Variants in SLC2A9 observed in about 807,000 individuals in gnomAD.
SLC2A9 encodes the protein solute carrier family 2 member 9.
A neutral mutation model predicts 50.6 loss-of-function variants in SLC2A9; 39 were observed. The observed-to-expected ratio is 0.77, with a 90% CI of 0.60 to 1.01. The LOEUF (loss-of-function observed/expected upper bound fraction) is 1.01, where lower values mean the gene tolerates loss of function less well. Ranked by LOEUF, SLC2A9 falls within the 50% of genes least tolerant of loss-of-function variation. The pLI is 0.00. For synonymous variants in SLC2A9, 324 were observed against 276.9 expected, an observed-to-expected ratio of 1.17 and a Z score of -1.69; for missense variants, 686 against 677.6, an observed-to-expected ratio of 1.01 and a Z score of -0.14.
intron 2 of SLC2A9, among the ~76,000 whole-genome samples, chr4:10,000,708 A>G (rs1759633388): frequency 6.6e-6 from 1 of 152,026 alleles, no homozygotes; most frequent in African/African-American, 2.4e-5. Flanking sequence ...GCTTCTAACA[A>G]ACTTCTCTTT....
At chr4:9,854,000 T>TAAAAA (rs200722853) in intron 10 of SLC2A9, among the ~76,000 whole-genome samples, 2 of 149,030 alleles carry the variant, frequency 1.3e-5, no homozygotes, top group African/African-American at 4.9e-5. Context: ...AAAACAGTGT[T>TAAAAA]AAAAAAAAAA....
intron 10 of SLC2A9, among the ~76,000 whole-genome samples, chr4:9,882,176 C>T (rs1053881307): frequency 2.6e-5 from 4 of 152,214 alleles, no homozygotes; most frequent in Admixed American, 6.5e-5. Context: ...TTTCTTTCCA[C>T]ATAGACACAA....
chr4:9,781,181 A>T (rs971004022), intron 3 of SLC2A9, among the ~76,000 whole-genome samples: 5 of 152,116 alleles, frequency 3.3e-5, no homozygotes, highest in African/African-American at 1.2e-4. Flanking sequence ...AGGAGTAGGA[A>T]TCATTATCCC....
downstream of SLC2A9, among the ~76,000 whole-genome samples, chr4:9,779,370 T>C (rs1718010471): frequency 6.6e-6 from 1 of 151,978 alleles, no homozygotes; most frequent in African/African-American, 2.4e-5. Flanking sequence ...TGTAATTGTG[T>C]ATTTCTTTGG....
intron 10 of SLC2A9, among the ~76,000 whole-genome samples, chr4:9,836,670 T>G (rs188518464): frequency 2.6e-5 from 4 of 152,292 alleles, no homozygotes; most frequent in African/African-American, 9.6e-5. Flanking sequence ...GGGTTTGCAG[T>G]TGAAGAAAAC....
intron 11 of SLC2A9, among the ~76,000 whole-genome samples, chr4:9,831,961 A>G (rs1416549114): frequency 1.3e-5 from 2 of 152,350 alleles, no homozygotes; most frequent in Middle Eastern, 3.4e-3. Flanking sequence ...GACAACAGCC[A>G]TTAACAAGCC....
chr4:9,860,776 G>A (rs1394488803), intron 10 of SLC2A9, among the ~76,000 whole-genome samples: 1 of 152,228 alleles, frequency 6.6e-6, no homozygotes, highest in South Asian at 2.1e-4. Flanking sequence ...CCCCTGATCA[G>A]ATATCACAAC....
At chr4:9,923,712 T>G (rs1460636827) in intron 6 of SLC2A9, 1 of 152,230 alleles carries the variant, frequency 6.6e-6, no homozygotes, top group Non-Finnish European at 1.5e-5. Context: ...TGAGAGCTGC[T>G]GATGAGAGAG....
At chr4:9,844,228 T>A (rs1231575653) in intron 10 of SLC2A9, among the ~76,000 whole-genome samples, 1 of 151,668 alleles carries the variant, frequency 6.6e-6, no homozygotes, top group Non-Finnish European at 1.5e-5. Flanking sequence ...TGATATGGAT[T>A]GAGGTATATG....
At chr4:9,930,898 T>C (rs1745778929) in intron 6 of SLC2A9, among the ~76,000 whole-genome samples, 1 of 152,122 alleles carries the variant, frequency 6.6e-6, no homozygotes, top group Admixed American at 6.5e-5. Flanking sequence ...ACCCAGGCAC[T>C]GGAGAGGAAG....
At chr4:9,939,567 G>A (rs1056392050) in intron 6 of SLC2A9, among the ~76,000 whole-genome samples, 3 of 150,538 alleles carry the variant, frequency 2.0e-5, no homozygotes, top group African/African-American at 7.3e-5. Context: ...CTAGCTTTAT[G>A]TCCTTGGCCA....
intron 2 of SLC2A9, among the ~76,000 whole-genome samples, chr4:9,998,904 A>G (rs947831486): frequency 6.6e-6 from 1 of 152,212 alleles, no homozygotes; most frequent in African/African-American, 2.4e-5. Flanking sequence ...AACAAAACAT[A>G]CACAGTCTGA....
In SLC2A9 at chr4:10,029,580, T is replaced by TA. The variant is rs1182960377; in HGVS notation, c.-40-3575_-40-3574insT. 2.3e-3 allele frequency among the ~76,000 whole-genome samples: 308 copies of TA among 132,378 alleles called. 5 individuals are homozygous for TA. The East Asian group carries it at 0.042, about 18-fold the overall frequency. 86.8% of individuals were successfully genotyped at this position (132,378 alleles called of 152,430 possible). A position where few individuals can be genotyped will look rare whatever the true frequency, so the allele number is the denominator to read the frequency against. ...ATTTTATTTTATTTATTTTATATTT[T>TA]TATTTTATTTTATATTATTTTATTT... is the stretch of plus-strand genomic sequence containing the variant. On this transcript the variant is annotated intron_variant, in intron 1 of 12. Transcript: ENST00000309065.
chr4:9,867,487 A>G (rs1325031696), intron 10 of SLC2A9, among the ~76,000 whole-genome samples: 1 of 152,210 alleles, frequency 6.6e-6, no homozygotes, highest in Admixed American at 6.5e-5. Context: ...AATAAATAGT[A>G]TTGGTGATAA....
At chr4:9,785,299 T>C (rs1288585961) in intron 3 of SLC2A9, among the ~76,000 whole-genome samples, 3 of 152,226 alleles carry the variant, frequency 2.0e-5, no homozygotes, top group Non-Finnish European at 2.9e-5. Flanking sequence ...GGGTCTCTGG[T>C]GAAATAAGTT....
chr4:9,936,673 A>G (rs533496530), intron 6 of SLC2A9, among the ~76,000 whole-genome samples: 7 of 152,290 alleles, frequency 4.6e-5, no homozygotes, highest in African/African-American at 1.7e-4. Context: ...GGCGCTCGAC[A>G]TGCTAGAGGG....
chr4:9,826,279 C>A lies in SLC2A9; in HGVS notation c.*118G>T. The A allele has an allele frequency of 1.4e-5, 12 of 846,936 alleles. No homozygotes were observed. Among genetic ancestry groups the A allele is most frequent in the South Asian group, 5.7e-5 (4 of 70,222 alleles). 52.5% of individuals were successfully genotyped at this position (846,936 alleles called of 1,614,324 possible). A position where few individuals can be genotyped will look rare whatever the true frequency, so the allele number is the denominator to read the frequency against. ...TTAATAATATAAAAGACTTGCATAG[C>A]TTCAATTCATTTAAGCTTCCCAATA... On this transcript the variant is annotated 3_prime_UTR_variant, in exon 12 of 12. Transcript: ENST00000264784.
chr4:9,827,126 G>GA, intron 11 of SLC2A9, among the ~76,000 whole-genome samples: 1 of 152,294 alleles, frequency 6.6e-6, no homozygotes, highest in African/African-American at 2.4e-5. Context: ...AGAGAGATCA[G>GA]AAAAAATAGA....
intron 3 of SLC2A9, among the ~76,000 whole-genome samples, chr4:9,789,708 G>A (rs1719664930): frequency 6.6e-6 from 1 of 152,252 alleles, no homozygotes. Context: ...AGAGCAGGCA[G>A]AGCCATCAGA....
Sources: allele counts gnomAD v4.1 joint callset (sites outside exome capture counted in the v4.1 genomes callset), GRCh38; gene constraint gnomAD v4.1.1; transcripts MANE v1.5; gene names NCBI Gene and HGNC (gene_info 2026-07-23, HGNC 2026-07-21).